Variants in CACNB2 observed in about 807,000 individuals in gnomAD.
CACNB2 encodes the protein voltage-dependent L-type calcium channel subunit beta-2.
CACNB2 carries 42 observed loss-of-function variants against 73.3 expected under a neutral mutation model. The observed-to-expected ratio is 0.57, with a 90% CI of 0.45 to 0.74. The LOEUF is 0.74. CACNB2 is among the 30% of genes least tolerant of loss of function. The pLI is 0.00. For synonymous variants in CACNB2, 348 were observed against 310.3 expected (o/e 1.12, Z -1.28); for missense variants, 940 against 853.0 (o/e 1.10, Z -1.27).
chr10:18,500,792 G>A lies in CACNB2; in HGVS notation c.457-20G>A, dbSNP rs757968030. On this transcript the variant is annotated intron_variant, in intron 4 of 13. Coordinates refer to ENST00000324631, the MANE Select transcript of CACNB2 (RefSeq NM_201596.3). ...GACCTTCTGTGCACTGATTTTTAAT[G>A]CTTTTGATTTTGTGTTTAGAAATTT... 9.9e-6 allele frequency: 16 copies of A among 1,612,210 alleles called. No homozygotes were observed. Among genetic ancestry groups the A allele is most frequent in the Admixed American group, 5.0e-5 (3 of 60,000 alleles).
intron 3 of CACNB2, among the ~76,000 whole-genome samples, chr10:18,419,769 G>A (rs1774647437): frequency 6.6e-6 from 1 of 152,146 alleles, no homozygotes; most frequent in African/African-American, 2.4e-5. Flanking sequence ...TATCTTAAAT[G>A]GAATGCTGGC....
At chr10:18,516,811 CTTGTT>C (rs1357785254) in intron 7 of CACNB2, among the ~76,000 whole-genome samples, 13 of 148,982 alleles carry the variant, frequency 8.7e-5, no homozygotes, top group Admixed American at 8.7e-4. Context: ...TTATGTTTGT[CTTGTT>C]TTTTTTTTTT....
chr10:18,203,634 C>T (rs1341956352), intron 2 of CACNB2, among the ~76,000 whole-genome samples: 2 of 152,002 alleles, frequency 1.3e-5, no homozygotes, highest in South Asian at 2.1e-4. Flanking sequence ...AGAAACATAA[C>T]GGGGCGAGTG....
At chr10:18,307,281 G>C (rs1338056987) in intron 2 of CACNB2, among the ~76,000 whole-genome samples, 1 of 152,184 alleles carries the variant, frequency 6.6e-6, no homozygotes, top group Non-Finnish European at 1.5e-5. Context: ...AGTCAACTTA[G>C]TGAAACCCTG....
chr10:18,245,631 T>A (rs1435109715), intron 2 of CACNB2, among the ~76,000 whole-genome samples: 1 of 152,126 alleles, frequency 6.6e-6, no homozygotes, highest in Non-Finnish European at 1.5e-5. Context: ...ACACCTGGTC[T>A]CCTCCTGTTC....
chr10:18,378,988 A>G (rs1355726279), intron 2 of CACNB2, among the ~76,000 whole-genome samples: 2 of 149,302 alleles, frequency 1.3e-5, no homozygotes, highest in East Asian at 4.1e-4. Flanking sequence ...AAAGCCAGGA[A>G]CCCGGGCTTT....
chr10:18,228,793 G>A (rs1339700885), intron 2 of CACNB2, among the ~76,000 whole-genome samples: 1 of 152,080 alleles, frequency 6.6e-6, no homozygotes, highest in African/African-American at 2.4e-5. Context: ...AGGTTGGAGT[G>A]CAATGGTGCG....
chr10:18,201,110 T>C (rs1382074899), intron 2 of CACNB2, among the ~76,000 whole-genome samples: 2 of 152,198 alleles, frequency 1.3e-5, no homozygotes, highest in Non-Finnish European at 2.9e-5. Flanking sequence ...CTTAATAACT[T>C]ACTACTGGGA....
At chr10:18,268,644 A>G (rs1013855617) in intron 2 of CACNB2, among the ~76,000 whole-genome samples, 1 of 152,252 alleles carries the variant, frequency 6.6e-6, no homozygotes, top group Non-Finnish European at 1.5e-5. Flanking sequence ...AAATGAGATT[A>G]TAGAGGAACA....
intron 2 of CACNB2, among the ~76,000 whole-genome samples, chr10:18,195,227 A>G (rs1054895528): frequency 5.9e-5 from 9 of 152,236 alleles, no homozygotes; most frequent in African/African-American, 1.9e-4. Flanking sequence ...ATAAAAGTGC[A>G]TATTTTGAGG....
chr10:18,411,069 T>G (rs187360114), intron 3 of CACNB2, among the ~76,000 whole-genome samples: 15 of 152,288 alleles, frequency 9.8e-5, no homozygotes, highest in African/African-American at 3.6e-4. Flanking sequence ...TATTAAAATA[T>G]TTTAGGCTGA....
intron 2 of CACNB2, among the ~76,000 whole-genome samples, chr10:18,360,864 G>C (rs1340374191): frequency 6.6e-6 from 1 of 152,172 alleles, no homozygotes; most frequent in Non-Finnish European, 1.5e-5. Context: ...CCTATCCTTA[G>C]CTGCAAAACC....
At chr10:18,296,410 G>T (rs1326807855) in intron 2 of CACNB2, among the ~76,000 whole-genome samples, 1 of 151,988 alleles carries the variant, frequency 6.6e-6, no homozygotes. Context: ...ATTTACTTAC[G>T]CTCACAGCCA....
intron 3 of CACNB2, among the ~76,000 whole-genome samples, chr10:18,460,572 G>A (rs1014098331): frequency 1.3e-5 from 2 of 151,958 alleles, no homozygotes; most frequent in Non-Finnish European, 2.9e-5. Context: ...AAAAGTCTTT[G>A]AAACCCTCCC....
At chr10:18,474,207 A>T (rs2048327111) in intron 3 of CACNB2, among the ~76,000 whole-genome samples, 1 of 152,156 alleles carries the variant, frequency 6.6e-6, no homozygotes, top group Non-Finnish European at 1.5e-5. Context: ...TGGCGGGAGA[A>T]TAATGTGTTA....
intron 2 of CACNB2, among the ~76,000 whole-genome samples, chr10:18,194,125 A>C (rs755326348): frequency 2.6e-5 from 4 of 152,146 alleles, no homozygotes; most frequent in Non-Finnish European, 5.9e-5. Flanking sequence ...GAGATGCCCC[A>C]TGCCTCTGAG....
intron 3 of CACNB2, among the ~76,000 whole-genome samples, chr10:18,453,865 C>A (rs1482289872): frequency 3.3e-5 from 5 of 152,172 alleles, no homozygotes; most frequent in Non-Finnish European, 5.9e-5. Context: ...AAACTTCTGA[C>A]CTCAGGTCAT....
intron 2 of CACNB2, among the ~76,000 whole-genome samples, chr10:18,223,938 A>C (rs1031086253): frequency 6.6e-6 from 1 of 151,962 alleles, no homozygotes; most frequent in Admixed American, 6.6e-5. Context: ...AATAGATAAT[A>C]GGCAGCCTAC....
At chr10:18,487,432 T>G (rs117261556) in intron 3 of CACNB2, among the ~76,000 whole-genome samples, 2,274 of 152,314 alleles carry the variant, frequency 0.015, 24 homozygotes, top group Non-Finnish European at 0.023. Context: ...CCTCACTGTT[T>G]GCTGAAATAA....
Sources: allele counts gnomAD v4.1 joint callset (sites outside exome capture counted in the v4.1 genomes callset), GRCh38; gene constraint gnomAD v4.1.1; transcripts MANE v1.5; gene names NCBI Gene and HGNC (gene_info 2026-07-23, HGNC 2026-07-21).